PRDM10: variants seen among roughly 807,000 people sequenced by gnomAD.
PRDM10 encodes the protein PR domain zinc finger protein 10.
PRDM10 carries 65 observed loss-of-function variants against 133.1 expected under a neutral mutation model. That is an observed-to-expected ratio of 0.49 (90% confidence interval 0.40 to 0.60). The LOEUF (loss-of-function observed/expected upper bound fraction) is 0.60, where lower values mean the gene tolerates loss of function less well. Among genes scored for constraint, PRDM10 ranks in the 20% least tolerant of loss-of-function variants. The pLI is 0.00. For synonymous variants in PRDM10, 582 were observed against 580.4 expected (o/e 1.00, Z -0.04); for missense variants, 1,137 against 1,507.1 (o/e 0.75, Z 4.07).
At chr11:129,982,291 T>C (rs567947523) in intron 1 of PRDM10, among the ~76,000 whole-genome samples, 20 of 151,852 alleles carry the variant, frequency 1.3e-4, no homozygotes, top group Middle Eastern at 3.4e-3. Flanking sequence ...TGTGCGCGCG[T>C]GTGTGTGTAT....
intron 1 of PRDM10, among the ~76,000 whole-genome samples, chr11:129,962,631 G>A (rs1480732344): frequency 3.3e-5 from 5 of 152,232 alleles, no homozygotes; most frequent in African/African-American, 1.2e-4. Context: ...AATTGAGGTG[G>A]TGGTTACATA....
At chr11:129,999,607 T>G (rs547266092) in intron 1 of PRDM10, among the ~76,000 whole-genome samples, 170 of 152,228 alleles carry the variant, frequency 1.1e-3, no homozygotes, top group African/African-American at 4.0e-3. Flanking sequence ...TGTTTAACAG[T>G]TTCTTTTTAC....
At chr11:129,993,516 G>A (rs992332000) in intron 1 of PRDM10, among the ~76,000 whole-genome samples, 7 of 151,862 alleles carry the variant, frequency 4.6e-5, no homozygotes, top group African/African-American at 9.7e-5. Context: ...ATGGAATCTC[G>A]TTGTGTCGCC....
At chr11:130,002,325 G>C (rs1939461221) in intron 1 of PRDM10, among the ~76,000 whole-genome samples, 1 of 151,870 alleles carries the variant, frequency 6.6e-6, no homozygotes, top group Non-Finnish European at 1.5e-5. Flanking sequence ...GCCACTCGGG[G>C]GTCGCAGGGG....
chr11:129,957,779 C>A lies in PRDM10; in HGVS notation c.201G>T (p.Thr67=). ...SYTSVDGPEH[T]LVYIHPVEAA... Reference sequence around the variant, plus strand: ...CTTCCACCGGGTGGATGTACACCAGCGTGTGCTCTGGACCATCCACTGATG... The same window carrying A: ...CTTCCACCGGGTGGATGTACACCAGAGTGTGCTCTGGACCATCCACTGATG... The change falls in exon 3 of 21, where the codon ACG becomes ACT. Residue 67 remains threonine, a synonymous_variant. Transcript: ENST00000360871. The A allele has an allele frequency of 6.2e-7, 1 of 1,613,814 alleles. No homozygotes were observed. Among genetic ancestry groups the A allele is most frequent in the South Asian group, 1.1e-5 (1 of 91,002 alleles).
Position 129,947,635 on chromosome 11 carries a change from C to T in PRDM10, c.295-265G>A. The T allele has an allele frequency of 8.5e-7, 1 of 1,172,650 alleles. No individual in the cohort carries two copies. The highest frequency in any genetic ancestry group is 1.1e-6 in the Non-Finnish European group (1 of 872,560). The allele number at this position is 1,172,650 out of a possible 1,614,324, so 72.6% of individuals were successfully genotyped here. A position where few individuals can be genotyped will look rare whatever the true frequency, so the allele number is the denominator to read the frequency against. ...ACCTGGGAGGGCTGCTAAGAAGGCT[C>T]AGGTGCTCCCTCCTTTGGCAGCAGT... is the stretch of plus-strand genomic sequence containing the variant. On this transcript the variant is annotated intron_variant, in intron 4 of 20. Coordinates refer to ENST00000360871, the MANE Select transcript of PRDM10 (RefSeq NM_199437.2). The surrounding 1 kb of genome is among the most constrained non-coding windows in gnomAD (Gnocchi z 4.6).
intron 6 of PRDM10, 140 bp downstream of exon 6, chr11:129,944,631 C>A: frequency 7.9e-7 from 1 of 1,266,234 alleles, no homozygotes; most frequent in African/African-American, 1.5e-5. Context: ...AGTGAGTTTC[C>A]ATTTAACCAA....
At chr11:129,962,555 A>T (rs908724266) in intron 1 of PRDM10, among the ~76,000 whole-genome samples, 4 of 152,234 alleles carry the variant, frequency 2.6e-5, no homozygotes, top group African/African-American at 9.6e-5. Context: ...CAACAGGTGA[A>T]TGTAAGAAGA....
chr11:129,915,831 G>A lies in PRDM10; in HGVS notation c.2355C>T (p.Ala785=), dbSNP rs771426432. Reference sequence around the variant, plus strand: ...CTCCTGGGTGGTTCTTCAGAATGTGGGCTTTGCGCTTGCTGGCACTTTTAT... The same window carrying A: ...CTCCTGGGTGGTTCTTCAGAATGTGAGCTTTGCGCTTGCTGGCACTTTTAT... ...KVYKSASKRK[A]HILKNHPGAE... The change falls in exon 16 of 21, where the codon GCC becomes GCT. Residue 785 remains alanine (A), a synonymous_variant. Coordinates refer to ENST00000360871, the MANE Select transcript of PRDM10 (RefSeq NM_199437.2). 1 of 1,614,134 alleles carries A rather than the reference G, an allele frequency of 6.2e-7. No individual in the cohort carries two copies. Among genetic ancestry groups the A allele is most frequent in the East Asian group, 2.2e-5 (1 of 44,876 alleles).
At chr11:129,978,026 ATT>A (rs10556101) in intron 1 of PRDM10, among the ~76,000 whole-genome samples, 34,361 of 148,902 alleles carry the variant, frequency 0.23, 6,566 homozygotes, top group East Asian at 0.57. Context: ...GATTTCAACA[ATT>A]TTTTTTTTTT....
intron 10 of PRDM10, among the ~76,000 whole-genome samples, chr11:129,931,576 A>ATTTTATTTTTAT (rs1235547930): frequency 3.5e-5 from 5 of 143,206 alleles, no homozygotes; most frequent in African/African-American, 1.3e-4. Context: ...ATTTTATTTT[A>ATTTTATTTTTAT]TTTTTTTTTT....
rs1348314102 is a variant in PRDM10, at chr11:129,914,839, C to G, written c.2706G>C (p.Leu902=). The change falls in exon 17 of 21, where the codon CTG becomes CTC. Residue 902 remains leucine, a synonymous_variant. Transcript: ENST00000360871. Reference sequence around the variant, plus strand: ...GGTAGTCTGTCGTTAAGGTCTGGGACAGTTCTGTCATTGCTTGGGTGAGCA... The same window carrying G: ...GGTAGTCTGTCGTTAAGGTCTGGGAGAGTTCTGTCATTGCTTGGGTGAGCA... ...TDLLTQAMTE[L]SQTLTTDYRT... The G allele has an allele frequency of 6.2e-7, 1 of 1,614,144 alleles. No homozygotes were observed. Among genetic ancestry groups the G allele is most frequent in the Non-Finnish European group, 8.5e-7 (1 of 1,180,028 alleles).
At chr11:129,924,501 C>G (rs979206243) in intron 12 of PRDM10, among the ~76,000 whole-genome samples, 1 of 152,168 alleles carries the variant, frequency 6.6e-6, no homozygotes, top group African/African-American at 2.4e-5. Context: ...TTGGTTAAAG[C>G]AAGCAGGAAA....
intron 1 of PRDM10, among the ~76,000 whole-genome samples, chr11:129,969,388 C>G (rs1376660870): frequency 6.6e-6 from 1 of 152,146 alleles, no homozygotes. Flanking sequence ...AATCAGACAG[C>G]CTAGCTCCAA....
chr11:129,950,618 T>G (rs1403032091), intron 4 of PRDM10, among the ~76,000 whole-genome samples: 1 of 152,190 alleles, frequency 6.6e-6, no homozygotes. Flanking sequence ...AGGAAGTGAC[T>G]GTATTCCTGC....
At chr11:129,919,093 G>A (rs960236472) in intron 13 of PRDM10, among the ~76,000 whole-genome samples, 5 of 151,900 alleles carry the variant, frequency 3.3e-5, no homozygotes, top group Non-Finnish European at 7.4e-5. Context: ...AGTGTAGGCC[G>A]GGTGTGGTGG....
At chr11:129,937,704 G>GA in intron 7 of PRDM10, 34 bp from the exon 8 acceptor site, 1 of 1,563,742 alleles carries the variant, frequency 6.4e-7, no homozygotes, top group Non-Finnish European at 8.8e-7. Context: ...AAGAACTGGG[G>GA]ACATCACCAG....
chr11:129,926,530 A>G (rs1461936018), intron 11 of PRDM10, among the ~76,000 whole-genome samples: 2 of 152,256 alleles, frequency 1.3e-5, no homozygotes, highest in Non-Finnish European at 2.9e-5. Flanking sequence ...CTTTTAAACT[A>G]AATTTAATGT....
chr11:129,927,037 C>T (rs984164463), intron 11 of PRDM10, among the ~76,000 whole-genome samples: 1 of 152,026 alleles, frequency 6.6e-6, no homozygotes, highest in Non-Finnish European at 1.5e-5. Context: ...AAAACCCTGT[C>T]TCTACCAAAA....
Sources: gnomAD v4.1 joint callset for allele counts (sites outside exome capture counted in the v4.1 genomes callset) on GRCh38, gnomAD v4.1.1 for gene constraint, Gnocchi (gnomAD v3.1) non-coding constraint, MANE v1.5 for transcripts, NCBI Gene and HGNC (gene_info 2026-07-23, HGNC 2026-07-21) for gene names.